Variants in IMMP2L observed in about 807,000 individuals in gnomAD.
IMMP2L encodes the protein inner mitochondrial membrane peptidase subunit 2.
Under a neutral mutation model 19.3 loss-of-function variants are expected in IMMP2L, and 18 were observed. That is an observed-to-expected ratio of 0.93 (90% confidence interval 0.64 to 1.38). The LOEUF (loss-of-function observed/expected upper bound fraction) is 1.38. Among genes scored for constraint, IMMP2L ranks in the 40% most tolerant of loss-of-function variants. The pLI is 0.00. For missense variants in IMMP2L, 233 were observed against 218.2 expected (o/e 1.07, Z -0.43); for synonymous variants, 76 against 73.0 (o/e 1.04, Z -0.21).
chr7:111,435,004 G>A (rs796385778), intron 3 of IMMP2L, among the ~76,000 whole-genome samples: 1 of 151,992 alleles, frequency 6.6e-6, no homozygotes, highest in African/African-American at 2.4e-5. Context: ...TCACCAGTCA[G>A]AATGGCTACT....
chr7:111,554,647 G>C (rs1204472605), intron 1 of IMMP2L, among the ~76,000 whole-genome samples: 1 of 151,724 alleles, frequency 6.6e-6, no homozygotes, highest in Non-Finnish European at 1.5e-5. Context: ...ATTTGAGATG[G>C]AGTCTTGCTC....
chr7:110,764,401 C>G (rs1584757881), intron 5 of IMMP2L, among the ~76,000 whole-genome samples: 1 of 151,710 alleles, frequency 6.6e-6, no homozygotes, highest in African/African-American at 2.4e-5. Flanking sequence ...TATATGAGTC[C>G]CCCCACTCAA....
At chr7:111,287,259 T>G (rs888766128) in intron 3 of IMMP2L, among the ~76,000 whole-genome samples, 13 of 152,194 alleles carry the variant, frequency 8.5e-5, no homozygotes, top group Admixed American at 3.3e-4. Context: ...TCCTGCTCAC[T>G]TAAGTGTGCC....
chr7:111,156,001 T>C (rs1462213049), intron 3 of IMMP2L, among the ~76,000 whole-genome samples: 1 of 152,176 alleles, frequency 6.6e-6, no homozygotes, highest in African/African-American at 2.4e-5. Context: ...CTCCAGATTA[T>C]ACCTGTGAGA....
At chr7:111,441,861 G>T (rs115760113) in intron 3 of IMMP2L, among the ~76,000 whole-genome samples, 1 of 151,594 alleles carries the variant, frequency 6.6e-6, no homozygotes, top group Non-Finnish European at 1.5e-5. Flanking sequence ...CAAGTAGTCC[G>T]GGCACTGTGG....
intron 3 of IMMP2L, among the ~76,000 whole-genome samples, chr7:111,217,124 T>TCA (rs1281616330): frequency 7.4e-4 from 76 of 102,728 alleles, no homozygotes; most frequent in South Asian, 3.2e-3. Context: ...TCTCTCTCTC[T>TCA]CTCACACACA....
At chr7:111,469,944 A>C (rs1213602353) in intron 3 of IMMP2L, among the ~76,000 whole-genome samples, 1 of 152,196 alleles carries the variant, frequency 6.6e-6, no homozygotes, top group Non-Finnish European at 1.5e-5. Flanking sequence ...GGCAACCTAC[A>C]AAATGGGAGA....
At chr7:111,379,344 T>A (rs1246652772) in intron 3 of IMMP2L, among the ~76,000 whole-genome samples, 1 of 151,590 alleles carries the variant, frequency 6.6e-6, no homozygotes, top group Non-Finnish European at 1.5e-5. Context: ...ACGTACCCAA[T>A]GAGAGTACAT....
chr7:111,414,572 C>A (rs1834781101), intron 3 of IMMP2L, among the ~76,000 whole-genome samples: 1 of 151,770 alleles, frequency 6.6e-6, no homozygotes, highest in South Asian at 2.1e-4. Context: ...TGAAACTATT[C>A]TGTATGATAT....
rs1343339967 is a variant in IMMP2L at position 111,281,201 on chromosome 7, A to G, written c.239+206037T>C. On this transcript the variant is annotated intron_variant, in intron 3 of 5. Coordinates refer to ENST00000405709, the MANE Select transcript of IMMP2L (RefSeq NM_032549.4). The stretch of plus-strand genomic sequence containing the variant: ...AAGAAAGAAAGAAAGAAAGAAAGAA[A>G]GAAAGAAAGAAAGAAAAAGAAAGAA... Among the ~76,000 whole-genome samples the G allele has an allele frequency of 6.3e-4, 31 of 49,420 alleles. 3 individuals carry two copies. The highest frequency in any genetic ancestry group is 2.3e-3 in the African/African-American group (31 of 13,328). 32.4% of individuals were successfully genotyped at this position (49,420 alleles called of 152,430 possible).
chr7:111,255,260 TG>T (rs1427842275), intron 3 of IMMP2L, among the ~76,000 whole-genome samples: 1 of 152,134 alleles, frequency 6.6e-6, no homozygotes, highest in Non-Finnish European at 1.5e-5. Flanking sequence ...AAGTTCAAAT[TG>T]AATGTGTTCT....
intron 3 of IMMP2L, chr7:111,122,372 A>AT (rs1459253989): frequency 6.3e-6 from 1 of 157,984 alleles, no homozygotes; most frequent in East Asian, 1.9e-4. Flanking sequence ...TGTACTAATT[A>AT]TTGTTCTCTT....
At chr7:111,454,866 C>G (rs1839547328) in intron 3 of IMMP2L, among the ~76,000 whole-genome samples, 1 of 151,772 alleles carries the variant, frequency 6.6e-6, no homozygotes. Flanking sequence ...AAGGGAGAAA[C>G]CATAAGAAAA....
At chr7:111,373,237 C>T (rs1830403974) in intron 3 of IMMP2L, among the ~76,000 whole-genome samples, 1 of 151,646 alleles carries the variant, frequency 6.6e-6, no homozygotes, top group East Asian at 1.9e-4. Flanking sequence ...AATAAGTTTT[C>T]TATGAAAAGG....
At chr7:111,234,029 T>A (rs548766781) in intron 3 of IMMP2L, among the ~76,000 whole-genome samples, 2 of 152,218 alleles carry the variant, frequency 1.3e-5, no homozygotes, top group Non-Finnish European at 2.9e-5. Context: ...TTAAGTAATG[T>A]AGTTGGATGG....
At chr7:110,690,864 A>C (rs777795604) in intron 5 of IMMP2L, among the ~76,000 whole-genome samples, 2 of 152,184 alleles carry the variant, frequency 1.3e-5, no homozygotes, top group Non-Finnish European at 2.9e-5. Flanking sequence ...ATGGATTGGA[A>C]GAATCAATAT....
intron 5 of IMMP2L, among the ~76,000 whole-genome samples, chr7:110,800,268 A>G (rs574144257): frequency 6.6e-6 from 1 of 152,176 alleles, no homozygotes; most frequent in East Asian, 1.9e-4. Flanking sequence ...CAATTGGAGT[A>G]TTAGAAATAC....
chr7:111,291,581 AAATATAATGATGGTTAT>A (rs1821110426), intron 3 of IMMP2L, among the ~76,000 whole-genome samples: 1 of 152,168 alleles, frequency 6.6e-6, no homozygotes. Flanking sequence ...TCTACACACA[AAATATAATGATGGTTAT>A]CAGGGGCCAC....
chr7:111,308,472 A>T (rs1823129963), intron 3 of IMMP2L, among the ~76,000 whole-genome samples: 1 of 151,964 alleles, frequency 6.6e-6, no homozygotes, highest in Non-Finnish European at 1.5e-5. Context: ...TTGCCATCTT[A>T]ATGTAATATG....
Sources: gnomAD v4.1 joint callset for allele counts (sites outside exome capture counted in the v4.1 genomes callset) on GRCh38, gnomAD v4.1.1 for gene constraint, MANE v1.5 for transcripts, NCBI Gene and HGNC (gene_info 2026-07-23, HGNC 2026-07-21) for gene names.